Variants in SULF1 observed in about 807,000 individuals in gnomAD.
SULF1 encodes extracellular sulfatase Sulf-1.
In SULF1, 46 loss-of-function variants were observed where a neutral mutation model predicts 110.5. The ratio of observed to expected loss-of-function variants is 0.42; its 90% CI spans 0.33 to 0.53. The LOEUF (loss-of-function observed/expected upper bound fraction) is 0.53, where lower values mean the gene tolerates loss of function less well. Among genes scored for constraint, SULF1 ranks in the 20% least tolerant of loss-of-function variants. SULF1 has a pLI of 0.12. For missense variants in SULF1, 941 were observed against 1,094.2 expected (o/e 0.86, Z 1.98); for synonymous variants, 371 against 387.1 (o/e 0.96, Z 0.49).
At chr8:69,653,702 C>T (rs370634770) in intron 22 of SULF1, among the ~76,000 whole-genome samples, 17 of 152,274 alleles carry the variant, frequency 1.1e-4, no homozygotes, top group African/African-American at 4.1e-4. Flanking sequence ...CTGAGAGTCC[C>T]AACTCTCTAA....
intron 3 of SULF1, among the ~76,000 whole-genome samples, chr8:69,529,642 GA>G (rs1812947945): frequency 6.6e-6 from 1 of 152,108 alleles, no homozygotes; most frequent in Non-Finnish European, 1.5e-5. Flanking sequence ...TGTTCTAAGG[GA>G]CTTACTAGAG....
rs775061008 is a variant in SULF1 at position 69,638,755 on chromosome 8, G to T, written c.2448G>T (p.Thr816=). The T allele has an allele frequency of 6.2e-7, 1 of 1,614,102 alleles. No homozygotes were observed. Among genetic ancestry groups the T allele is most frequent in the Non-Finnish European group, 8.5e-7 (1 of 1,180,024 alleles). ...CACAGCTCACAAATACAGTGCACAC[G>T]GTAGAACGAGGCATTTTGAATCAGC... ...DPYQLTNTVH[T]VERGILNQLH... The change falls in exon 21 of 23, where the codon ACG becomes ACT. Residue 816 remains threonine (T), a synonymous_variant. Coordinates refer to ENST00000402687, the MANE Select transcript of SULF1 (RefSeq NM_001128205.2).
chr8:69,604,799 G>T lies in SULF1; in HGVS notation c.1248-4G>T. On this transcript the variant is annotated splice_polypyrimidine_tract_variant and splice_region_variant and intron_variant, in intron 12 of 22. Transcript: ENST00000402687. Reference sequence around the variant, plus strand: ...TGTACGAAGCTTTTCCCTTTTTGTCGAAGCAAATTTCTACGTAAGAAGGAA... The same window carrying T: ...TGTACGAAGCTTTTCCCTTTTTGTCTAAGCAAATTTCTACGTAAGAAGGAA... 2 of 1,612,916 alleles carry T rather than the reference G, an allele frequency of 1.2e-6. No individual in the cohort carries two copies. The highest frequency in any genetic ancestry group is 1.7e-6 in the Non-Finnish European group (2 of 1,179,674).
At chr8:69,564,417 G>A (rs1034322586) in intron 5 of SULF1, among the ~76,000 whole-genome samples, 1 of 152,152 alleles carries the variant, frequency 6.6e-6, no homozygotes, top group Non-Finnish European at 1.5e-5. Context: ...GACTGTAGAA[G>A]GAAAGGATTG....
rs1813055485 is a variant in SULF1, at chr8:69,660,907, A to C, written c.*2372A>C. On this transcript the variant is annotated 3_prime_UTR_variant, in exon 23 of 23. Transcript: ENST00000402687. ...TATTTCTTCAAATAAAAGGTGTTTAAACTTTTTTCTGTTTCAGAGAAATGA... is the reference window on the plus strand; with the variant it reads ...TATTTCTTCAAATAAAAGGTGTTTACACTTTTTTCTGTTTCAGAGAAATGA... The C allele has an allele frequency of 6.6e-6, 1 of 152,646 alleles. No homozygotes were observed. Among genetic ancestry groups the C allele is most frequent in the Non-Finnish European group, 1.5e-5 (1 of 68,032 alleles). The allele number at this position is 152,646 out of a possible 1,614,324, so 9.5% of individuals were successfully genotyped here.
In SULF1 at chr8:69,624,072, G is replaced by A; in HGVS notation, c.1725G>A (p.Lys575=). Residue 575 remains lysine, a synonymous_variant, in exon 15 of 23, where the codon AAG becomes AAA. Transcript: ENST00000402687. ...LQVLQPRNIA[K]RHDEGHKGPR... Reference sequence around the variant, plus strand: ...TGTTGCAACCAAGAAACATTGCTAAGCGTCATGATGAAGGCCACAAGGGGC... The same window carrying A: ...TGTTGCAACCAAGAAACATTGCTAAACGTCATGATGAAGGCCACAAGGGGC... 2 of 1,614,188 alleles carry A rather than the reference G, an allele frequency of 1.2e-6. No homozygotes were observed. Among genetic ancestry groups the A allele is most frequent in the African/African-American group, 2.7e-5 (2 of 75,066 alleles).
At position 69,493,082 on chromosome 8, in the gene SULF1, T is replaced by C. The variant is rs1234221723; in HGVS notation, c.-434T>C. 1.3e-5 allele frequency: 2 copies of C among 152,696 alleles called. No individual in the cohort carries two copies. The highest frequency in any genetic ancestry group is 1.3e-4 in the Admixed American group (2 of 15,288). 9.5% of individuals were successfully genotyped at this position (152,696 alleles called of 1,614,324 possible). ...TCTCTGCTCCTCTGCCTCCTCCCTG[T>C]TCCCAGAGCTTTTTCTCTAGAGAAG... On this transcript the variant is annotated 5_prime_UTR_variant, in exon 1 of 23. Coordinates refer to ENST00000402687, the MANE Select transcript of SULF1 (RefSeq NM_001128205.2).
At chr8:69,656,910 A>C (rs1205016418) in intron 22 of SULF1, among the ~76,000 whole-genome samples, 1 of 152,202 alleles carries the variant, frequency 6.6e-6, no homozygotes, top group Non-Finnish European at 1.5e-5. Flanking sequence ...TGTCTTCCAC[A>C]ATGGTTGAAC....
chr8:69,493,220 ATATTAT>A (rs1009088018), intron 1 of SULF1, 95 bp downstream of exon 1: 2 of 152,510 alleles, frequency 1.3e-5, no homozygotes, highest in East Asian at 3.8e-4. Context: ...ATTATTCATC[ATATTAT>A]TATTCATTAT....
In SULF1 at chr8:69,659,253, G is replaced by T. The variant is rs567949222; in HGVS notation, c.*718G>T. ...CGGGGAAGATGTTGACCAAGGTGGAGAAGAATCACGAAAAGGAGAAGTCAC... is the reference window on the plus strand; with the variant it reads ...CGGGGAAGATGTTGACCAAGGTGGATAAGAATCACGAAAAGGAGAAGTCAC... On this transcript the variant is annotated 3_prime_UTR_variant, in exon 23 of 23. Transcript: ENST00000402687. The T allele has an allele frequency of 4.4e-6, 2 of 452,896 alleles. No individual in the cohort carries two copies. Among genetic ancestry groups the T allele is most frequent in the Non-Finnish European group, 8.9e-6 (2 of 225,462 alleles). The allele number at this position is 452,896 out of a possible 1,614,324, so 28.1% of individuals were successfully genotyped here.
intron 13 of SULF1, among the ~76,000 whole-genome samples, chr8:69,619,667 C>G (rs1809452026): frequency 6.6e-6 from 1 of 152,244 alleles, no homozygotes; most frequent in African/African-American, 2.4e-5. Flanking sequence ...TGCCCACTCT[C>G]TGCCGAGTAT....
intron 3 of SULF1, among the ~76,000 whole-genome samples, chr8:69,522,499 G>A (rs1366575492): frequency 6.6e-6 from 1 of 152,152 alleles, no homozygotes; most frequent in East Asian, 1.9e-4. Context: ...CCTTCCAGTG[G>A]AAATATCATT....
At chr8:69,518,317 A>G (rs984243459) in intron 3 of SULF1, among the ~76,000 whole-genome samples, 2 of 152,128 alleles carry the variant, frequency 1.3e-5, no homozygotes, top group Non-Finnish European at 2.9e-5. Context: ...GCTCGAGCAT[A>G]TTTGTAATAG....
intron 3 of SULF1, among the ~76,000 whole-genome samples, chr8:69,506,800 G>A (rs372799995): frequency 3.9e-5 from 6 of 152,336 alleles, no homozygotes; most frequent in African/African-American, 7.2e-5. Context: ...GTTTAATTAC[G>A]ATGAGGGTGG....
At chr8:69,623,905 A>G (rs1201931894) in intron 14 of SULF1, 37 bp from the exon 15 acceptor site, 1 of 1,581,434 alleles carries the variant, frequency 6.3e-7, no homozygotes, top group Non-Finnish European at 8.6e-7. Flanking sequence ...AAGCTACATC[A>G]GGACATCCAT....
At chr8:69,559,890 G>C (rs537576693) in intron 3 of SULF1, among the ~76,000 whole-genome samples, 3 of 152,006 alleles carry the variant, frequency 2.0e-5, no homozygotes, top group African/African-American at 7.2e-5. Flanking sequence ...TTTTTTTGTT[G>C]TTGTTTTTGT....
chr8:69,539,626 C>A lies in SULF1; in HGVS notation c.-133-23913C>A, dbSNP rs1813722596. On this transcript the variant is annotated intron_variant, in intron 3 of 22. Coordinates refer to ENST00000402687, the MANE Select transcript of SULF1 (RefSeq NM_001128205.2). ...CTAAGCCCCTATGATGTACCAAATT[C>A]CAGGTGGCCTCTAGAGGGAAAATAA... Among the ~76,000 whole-genome samples, 4 of 151,544 alleles carry A rather than the reference C, an allele frequency of 2.6e-5. No homozygotes were observed. In the South Asian group the frequency reaches 8.4e-4, roughly 32 times the overall value.
At chr8:69,478,731 T>G (rs377155059) in intron 1 of SULF1, among the ~76,000 whole-genome samples, 1 of 152,334 alleles carries the variant, frequency 6.6e-6, no homozygotes, top group East Asian at 1.9e-4. Context: ...ATGTACAATT[T>G]TGCATTTATT....
At chr8:69,527,816 G>A (rs1333680182) in intron 3 of SULF1, among the ~76,000 whole-genome samples, 1 of 152,030 alleles carries the variant, frequency 6.6e-6, no homozygotes, top group African/African-American at 2.4e-5. Flanking sequence ...GAATTGCAGG[G>A]AAAATGCATG....
Sources: allele counts gnomAD v4.1 joint callset (sites outside exome capture counted in the v4.1 genomes callset), GRCh38; gene constraint gnomAD v4.1.1; transcripts MANE v1.5; gene names NCBI Gene and HGNC (gene_info 2026-07-23, HGNC 2026-07-21).